The following UNC79 variants were observed in gnomAD, a reference collection of about 807,000 sequenced individuals.
The protein encoded by UNC79 is unc-79 subunit of NALCN channel complex.
A neutral mutation model predicts 283.1 loss-of-function variants in UNC79; 37 were observed. The observed-to-expected ratio is 0.13, with a 90% CI of 0.10 to 0.17. The LOEUF is 0.17. UNC79 is among the 10% of genes least tolerant of loss of function. The probability of loss-of-function intolerance (pLI) is 1.00; values close to 1 mark genes in which losing one functional copy is unlikely to be tolerated. For synonymous variants in UNC79, 1,107 were observed against 1,200.2 expected (o/e 0.92, Z 1.61); for missense variants, 2,272 against 3,211.1 (o/e 0.71, Z 7.07).
At chr14:93,353,612 T>A (rs959001013) in intron 1 of UNC79, among the ~76,000 whole-genome samples, 1 of 152,364 alleles carries the variant, frequency 6.6e-6, no homozygotes, top group East Asian at 1.9e-4. Flanking sequence ...GAAATCCAGA[T>A]AATTTTGTGT....
chr14:93,457,033 T>G (rs1197259499), intron 1 of UNC79, among the ~76,000 whole-genome samples: 1 of 152,204 alleles, frequency 6.6e-6, no homozygotes. Flanking sequence ...TTGTTCTTCC[T>G]ATGAGTAGTA....
chr14:93,654,079 A>G, intron 37 of UNC79, 54 bp downstream of exon 40: 1 of 1,503,164 alleles, frequency 6.7e-7, no homozygotes, highest in Non-Finnish European at 9.3e-7. Context: ...AAGCCCCAGC[A>G]CAACTGTGGG....
At chr14:93,692,067 A>C (rs892380119) in intron 46 of UNC79, 121 bp downstream of exon 49, 1 of 1,168,682 alleles carries the variant, frequency 8.6e-7, no homozygotes, top group African/African-American at 1.5e-5. Flanking sequence ...TGGATCGGGG[A>C]TATGTTACCT....
chr14:93,359,723 T>G (rs757421132), intron 1 of UNC79, among the ~76,000 whole-genome samples: 4 of 152,194 alleles, frequency 2.6e-5, no homozygotes, highest in Non-Finnish European at 5.9e-5. Flanking sequence ...AAGGCTAATT[T>G]GAATTATAAA....
intron 1 of UNC79, among the ~76,000 whole-genome samples, chr14:93,392,277 CAT>C (rs1348581942): frequency 2.0e-5 from 3 of 152,086 alleles, no homozygotes; most frequent in Non-Finnish European, 4.4e-5. Flanking sequence ...CATATAACAA[CAT>C]GATGAATTTC....
intron 7 of UNC79, among the ~76,000 whole-genome samples, chr14:93,499,376 G>T (rs1316521613): frequency 6.6e-6 from 1 of 152,162 alleles, no homozygotes; most frequent in Admixed American, 6.5e-5. Flanking sequence ...AAGCACTTAC[G>T]TGAAGTATAA....
chr14:93,617,226 G>A lies in UNC79; in HGVS notation c.4146G>A (p.Pro1382=), dbSNP rs576790566. 4.8e-5 allele frequency: 77 copies of A among 1,614,130 alleles called. No homozygotes were observed. In the South Asian group the frequency reaches 6.8e-4, roughly 14 times the overall value. ...AACTCCGGCATTATTTCCAACAGCC[G>A]CCTCGTTGCTCCCTCTGGTCCCTAA... Residue 1382 remains proline (P), a synonymous_variant, in exon 28 of 49, where the codon CCG becomes CCA. Coordinates refer to ENST00000555664, the Ensembl canonical transcript of UNC79. This position sits in a 1 kb window ranked among gnomAD's most constrained non-coding sequence, Gnocchi z 4.5.
intron 1 of UNC79, among the ~76,000 whole-genome samples, chr14:93,384,794 T>G (rs1172385507): frequency 6.6e-6 from 1 of 152,200 alleles, no homozygotes; most frequent in Non-Finnish European, 1.5e-5. Flanking sequence ...ATGTTTTCTC[T>G]TAGTAGTTTC....
In UNC79 at chr14:93,525,274, G is replaced by A. The variant is rs557022506; in HGVS notation, c.963+1232G>A. ...AGTCTGGCCAACATGGTGAAACCCC[G>A]TCTCTACTAAAAGTACAATAAAAAA... On this transcript the variant is annotated intron_variant, in intron 8 of 48. Coordinates refer to ENST00000555664, the Ensembl canonical transcript of UNC79. Among the ~76,000 whole-genome samples, 32 of 152,078 alleles carry A rather than the reference G, an allele frequency of 2.1e-4. 1 individual carries two copies. The highest frequency in any genetic ancestry group is 6.5e-4 in the African/African-American group (27 of 41,494).
At chr14:93,338,223 A>G (rs1289099203) in intron 1 of UNC79, among the ~76,000 whole-genome samples, 1 of 152,064 alleles carries the variant, frequency 6.6e-6, no homozygotes, top group African/African-American at 2.4e-5. Flanking sequence ...GGATCCTGTG[A>G]CATTTTGGGA....
chr14:93,666,257 A>C (rs1035740159), intron 40 of UNC79, among the ~76,000 whole-genome samples: 2 of 152,166 alleles, frequency 1.3e-5, no homozygotes, highest in Non-Finnish European at 2.9e-5. Flanking sequence ...TAAAAATTCA[A>C]TCAAGACAAA....
chr14:93,690,238 G>A lies in UNC79; in HGVS notation c.7207G>A (p.Asp2403Asn). Reference sequence around the variant, plus strand: ...CTCTCCCTGCCTGCCCATTCCTCTGGATGCAGGCTCCCACGTTGCAGACCA... The same window carrying A: ...CTCTCCCTGCCTGCCCATTCCTCTGAATGCAGGCTCCCACGTTGCAGACCA... Residue 2403 changes from aspartate to asparagine, a missense_variant, in exon 45 of 49, where the codon GAT becomes AAT. Coordinates refer to ENST00000555664, the Ensembl canonical transcript of UNC79. This position sits in a 1 kb window ranked among gnomAD's most constrained non-coding sequence, Gnocchi z 4.3. 6.2e-7 allele frequency: 1 copy of A among 1,614,090 alleles called. No homozygotes were observed. Among genetic ancestry groups the A allele is most frequent in the Non-Finnish European group, 8.5e-7 (1 of 1,180,032 alleles).
At chr14:93,707,347 C>T (rs1430079806), downstream of UNC79, 1 of 155,056 alleles carries the variant, frequency 6.4e-6, no homozygotes, top group Non-Finnish European at 1.4e-5. Flanking sequence ...GCCAGTGACA[C>T]CTGACTGAAG....
At chr14:93,438,088 A>G (rs111823879) in intron 1 of UNC79, among the ~76,000 whole-genome samples, 4 of 152,288 alleles carry the variant, frequency 2.6e-5, no homozygotes, top group Admixed American at 6.5e-5. Context: ...TTTTGTGTCA[A>G]CTACCAAAAC....
intron 1 of UNC79, among the ~76,000 whole-genome samples, chr14:93,384,015 A>G (rs1157762752): frequency 1.3e-5 from 2 of 152,208 alleles, no homozygotes; most frequent in Non-Finnish European, 2.9e-5. Flanking sequence ...CTGTAAGTCC[A>G]ATAAACCTCT....
chr14:93,388,522 T>C (rs941171236), intron 1 of UNC79, among the ~76,000 whole-genome samples: 2 of 152,246 alleles, frequency 1.3e-5, no homozygotes, highest in African/African-American at 4.8e-5. Context: ...ATATGCACTT[T>C]TAATGTTAAT....
chr14:93,627,335 C>G (rs543355634), intron 30 of UNC79, among the ~76,000 whole-genome samples: 1 of 152,264 alleles, frequency 6.6e-6, no homozygotes, highest in Admixed American at 6.5e-5. Flanking sequence ...CTGGTTTTAG[C>G]CTTTAGATAT....
intron 7 of UNC79, among the ~76,000 whole-genome samples, chr14:93,520,749 G>A (rs558665778): frequency 2.6e-5 from 4 of 151,878 alleles, no homozygotes; most frequent in African/African-American, 9.7e-5. Flanking sequence ...GATTTTTAAA[G>A]TCACATTTAA....
In UNC79 at chr14:93,357,740, T is replaced by TGG. The variant is rs1555398823; in HGVS notation, c.-351+24217_-351+24218insGG. 3.0e-3 allele frequency among the ~76,000 whole-genome samples: 413 copies of TGG among 135,846 alleles called. 15 individuals are homozygous for TGG. Among genetic ancestry groups the TGG allele is most frequent in the African/African-American group, 0.011 (399 of 36,388 alleles). 89.1% of individuals were successfully genotyped at this position (135,846 alleles called of 152,430 possible). ...ATATATGGATATATGGATGTATATA[T>TGG]ATATATGGATATATGGATATATATA... On this transcript the variant is annotated intron_variant, in intron 1 of 49. Transcript: ENST00000256339.
Sources: allele counts gnomAD v4.1 joint callset (sites outside exome capture counted in the v4.1 genomes callset), GRCh38; gene constraint gnomAD v4.1.1; non-coding constraint Gnocchi (gnomAD v3.1); transcripts MANE v1.5; gene names NCBI Gene and HGNC (gene_info 2026-07-23, HGNC 2026-07-21).